CNTNAP2: variants seen among roughly 807,000 people sequenced by gnomAD.
The protein encoded by CNTNAP2 is contactin associated protein 2.
In CNTNAP2, 98 loss-of-function variants were observed where a neutral mutation model predicts 155.2. The observed-to-expected ratio is 0.63, with a 90% CI of 0.54 to 0.75. The LOEUF is 0.75. CNTNAP2 is among the 30% of genes least tolerant of loss of function. CNTNAP2 has a pLI of 0.00. For missense variants in CNTNAP2, 1,727 were observed against 1,688.1 expected, an observed-to-expected ratio of 1.02 and a Z score of -0.40; for synonymous variants, 651 against 631.2, an observed-to-expected ratio of 1.03 and a Z score of -0.47.
intron 1 of CNTNAP2, among the ~76,000 whole-genome samples, chr7:146,225,724 A>G (rs1799282666): frequency 6.6e-6 from 1 of 152,208 alleles, no homozygotes; most frequent in South Asian, 2.1e-4. Flanking sequence ...CTCATCACAC[A>G]GTATGAGAAC....
chr7:146,880,562 G>T (rs1326275769), intron 3 of CNTNAP2, among the ~76,000 whole-genome samples: 3 of 152,102 alleles, frequency 2.0e-5, no homozygotes, highest in Non-Finnish European at 4.4e-5. Flanking sequence ...CAGTGGAGTT[G>T]AAATATGAAC....
At chr7:146,337,750 G>A (rs1015583993) in intron 1 of CNTNAP2, among the ~76,000 whole-genome samples, 3 of 152,056 alleles carry the variant, frequency 2.0e-5, no homozygotes, top group Admixed American at 1.3e-4. Flanking sequence ...GGGATTACAG[G>A]TGTTAGCCAC....
intron 1 of CNTNAP2, among the ~76,000 whole-genome samples, chr7:146,768,677 A>T (rs1802241846): frequency 6.6e-6 from 1 of 152,000 alleles, no homozygotes; most frequent in Non-Finnish European, 1.5e-5. Context: ...AATTTTTCCT[A>T]ATATAAAAGT....
chr7:147,931,502 C>T (rs1800503699), intron 14 of CNTNAP2, among the ~76,000 whole-genome samples: 1 of 152,142 alleles, frequency 6.6e-6, no homozygotes, highest in African/African-American at 2.4e-5. Context: ...AAGAATACTA[C>T]AGGCCAATAT....
chr7:146,507,442 C>A (rs964836300), intron 1 of CNTNAP2, among the ~76,000 whole-genome samples: 6 of 152,200 alleles, frequency 3.9e-5, no homozygotes, highest in Non-Finnish European at 8.8e-5. Flanking sequence ...GCCATCTCAG[C>A]CTCATTGTCC....
intron 15 of CNTNAP2, among the ~76,000 whole-genome samples, chr7:148,087,197 C>A: frequency 6.6e-6 from 1 of 152,012 alleles, no homozygotes; most frequent in South Asian, 2.1e-4. Flanking sequence ...CATTCCTATC[C>A]AGTTATTATG....
At chr7:147,116,780 G>C (rs1309581303) in intron 5 of CNTNAP2, among the ~76,000 whole-genome samples, 2 of 152,164 alleles carry the variant, frequency 1.3e-5, no homozygotes, top group African/African-American at 4.8e-5. Context: ...GAGGGCCCCA[G>C]CTGGGAGGTC....
chr7:146,488,309 C>G (rs978913320), intron 1 of CNTNAP2, among the ~76,000 whole-genome samples: 1 of 128,246 alleles, frequency 7.8e-6, no homozygotes, highest in Non-Finnish European at 1.6e-5. Context: ...CCCTTCCTCC[C>G]TCCCTTCCTT....
intron 3 of CNTNAP2, among the ~76,000 whole-genome samples, chr7:147,000,011 G>T: frequency 6.6e-6 from 1 of 151,346 alleles, no homozygotes; most frequent in Non-Finnish European, 1.5e-5. Context: ...TATTATATTT[G>T]CTCATTTAAG....
chr7:148,048,571 T>C (rs1026990974), intron 15 of CNTNAP2, among the ~76,000 whole-genome samples: 46 of 151,818 alleles, frequency 3.0e-4, no homozygotes, highest in African/African-American at 9.9e-4. Flanking sequence ...GTCAGGGGAG[T>C]GTCTCTTACT....
intron 18 of CNTNAP2, among the ~76,000 whole-genome samples, chr7:148,173,377 G>A (rs10255956): frequency 0.22 from 34,053 of 152,096 alleles, 4,424 homozygotes; most frequent in East Asian, 0.5. Flanking sequence ...TTTTCTGTGA[G>A]CGGTTGGTGC....
chr7:148,204,500 T>C (rs1795415360), intron 18 of CNTNAP2, among the ~76,000 whole-genome samples: 1 of 152,274 alleles, frequency 6.6e-6, no homozygotes, highest in African/African-American at 2.4e-5. Flanking sequence ...CTTTGAAATG[T>C]GGCTTTTTAA....
chr7:148,229,844 T>C, intron 20 of CNTNAP2, 65 bp downstream of exon 20: 1 of 1,594,634 alleles, frequency 6.3e-7, no homozygotes, highest in Non-Finnish European at 8.6e-7. Context: ...CCTATAATGC[T>C]TGGCCATTGG....
intron 9 of CNTNAP2, among the ~76,000 whole-genome samples, chr7:147,326,539 T>C (rs1213328812): frequency 1.3e-5 from 2 of 152,222 alleles, no homozygotes; most frequent in Non-Finnish European, 2.9e-5. Flanking sequence ...TTCTTTTAGA[T>C]ATATACCCAG....
intron 1 of CNTNAP2, among the ~76,000 whole-genome samples, chr7:146,307,816 T>C (rs1800742849): frequency 6.6e-6 from 1 of 152,108 alleles, no homozygotes; most frequent in Admixed American, 6.5e-5. Flanking sequence ...TTACACCTTA[T>C]ACAGAAATTA....
At chr7:146,825,704 A>G (rs1013481894) in intron 2 of CNTNAP2, among the ~76,000 whole-genome samples, 4 of 152,144 alleles carry the variant, frequency 2.6e-5, no homozygotes, top group African/African-American at 7.2e-5. Flanking sequence ...AGTCAGAGCA[A>G]TATCTGTCTC....
intron 19 of CNTNAP2, among the ~76,000 whole-genome samples, chr7:148,221,998 G>A (rs1464244600): frequency 6.6e-6 from 1 of 152,208 alleles, no homozygotes; most frequent in Non-Finnish European, 1.5e-5. Context: ...GTCATGTTTT[G>A]GAGGCCACCT....
intron 18 of CNTNAP2, among the ~76,000 whole-genome samples, chr7:148,211,718 G>A (rs188447570): frequency 6.6e-6 from 1 of 152,314 alleles, no homozygotes; most frequent in African/African-American, 2.4e-5. Flanking sequence ...ACCTGAAGGC[G>A]TTTTGGTTTT....
chr7:146,283,033 C>T (rs552071899), intron 1 of CNTNAP2, among the ~76,000 whole-genome samples: 1 of 152,300 alleles, frequency 6.6e-6, no homozygotes, highest in South Asian at 2.1e-4. Flanking sequence ...TTGTAAGACA[C>T]ATAACATTGC....
Sources: gnomAD v4.1 joint callset for allele counts (sites outside exome capture counted in the v4.1 genomes callset) on GRCh38, gnomAD v4.1.1 for gene constraint, MANE v1.5 for transcripts, NCBI Gene and HGNC (gene_info 2026-07-23, HGNC 2026-07-21) for gene names.